Variants in TRAPPC9 observed in about 807,000 individuals in gnomAD.
The protein encoded by TRAPPC9 is trafficking protein particle complex subunit 9.
In TRAPPC9, 83 loss-of-function variants were observed where a neutral mutation model predicts 124.0. The observed-to-expected ratio is 0.67, with a 90% CI of 0.56 to 0.80. TRAPPC9 has a LOEUF of 0.80. TRAPPC9 is among the 30% of genes least tolerant of loss of function. The pLI is 0.00. For synonymous variants in TRAPPC9, 638 were observed against 617.5 expected, an observed-to-expected ratio of 1.03 and a Z score of -0.49; for missense variants, 1,302 against 1,508.3, an observed-to-expected ratio of 0.86 and a Z score of 2.27.
At chr8:139,759,716 G>A (rs1023698449) in intron 21 of TRAPPC9, among the ~76,000 whole-genome samples, 1 of 152,150 alleles carries the variant, frequency 6.6e-6, no homozygotes, top group Non-Finnish European at 1.5e-5. Context: ...GGCTCCCCTG[G>A]GGGGACACAA....
intron 17 of TRAPPC9, among the ~76,000 whole-genome samples, chr8:140,137,700 G>A (rs1294842430): frequency 2.0e-5 from 3 of 152,196 alleles, no homozygotes; most frequent in Non-Finnish European, 4.4e-5. Flanking sequence ...TCTGATTCAC[G>A]CTTCAGTATT....
chr8:139,947,195 G>A (rs1834283479), intron 19 of TRAPPC9, among the ~76,000 whole-genome samples: 1 of 152,096 alleles, frequency 6.6e-6, no homozygotes, highest in East Asian at 1.9e-4. Flanking sequence ...AGGGAACAGA[G>A]GAAATGAACT....
chr8:140,367,788 T>G (rs1316879457), intron 8 of TRAPPC9, among the ~76,000 whole-genome samples: 1 of 152,004 alleles, frequency 6.6e-6, no homozygotes, highest in Non-Finnish European at 1.5e-5. Context: ...ACCACCCTGG[T>G]ATGGGGTGTT....
intron 2 of TRAPPC9, among the ~76,000 whole-genome samples, chr8:140,447,250 C>T (rs946929797): frequency 6.6e-6 from 1 of 152,044 alleles, no homozygotes; most frequent in Non-Finnish European, 1.5e-5. Context: ...AAACACCAAA[C>T]GCCAATGGGT....
chr8:139,949,043 G>A (rs932526762), intron 19 of TRAPPC9, among the ~76,000 whole-genome samples: 11 of 151,782 alleles, frequency 7.2e-5, no homozygotes, highest in African/African-American at 1.9e-4. Context: ...ACTGTACTCC[G>A]GCCTGGGAGA....
chr8:140,264,549 A>G (rs1480313472), intron 15 of TRAPPC9, among the ~76,000 whole-genome samples: 2 of 148,138 alleles, frequency 1.4e-5, no homozygotes, highest in African/African-American at 2.5e-5. Context: ...CAGTTTCTGA[A>G]TCATCCTAGA....
chr8:140,404,851 T>C (rs984794905), intron 6 of TRAPPC9, among the ~76,000 whole-genome samples: 3 of 151,914 alleles, frequency 2.0e-5, no homozygotes, highest in African/African-American at 7.3e-5. Context: ...TGTACGTGCC[T>C]GTGTGCGGGT....
At chr8:140,431,355 G>A (rs963281464) in intron 4 of TRAPPC9, among the ~76,000 whole-genome samples, 1 of 151,972 alleles carries the variant, frequency 6.6e-6, no homozygotes, top group African/African-American at 2.4e-5. Flanking sequence ...TACTCGGGAG[G>A]CTGAGGCAGG....
intron 17 of TRAPPC9, among the ~76,000 whole-genome samples, chr8:140,074,337 C>T (rs1479214407): frequency 1.3e-5 from 2 of 152,168 alleles, no homozygotes; most frequent in Non-Finnish European, 2.9e-5. Context: ...CACAGCCGTG[C>T]TTCACTGTCA....
In TRAPPC9 at chr8:140,241,975, TGGAGGGAGGGGACACTCAAGGGCTTGCA is replaced by T. The variant is rs1157035607; in HGVS notation, c.2431+10774_2431+10801del. 2.0e-5 allele frequency among the ~76,000 whole-genome samples: 3 copies of T among 151,680 alleles called. No homozygotes were observed. Among genetic ancestry groups the T allele is most frequent in the Admixed American group, 6.6e-5 (1 of 15,238 alleles). ...GCTCGAGCTCTGCCACCACAGGACA[TGGAGGGAGGGGACACTCAAGGGCTTGCA>T]GGAGGGAGGGGCCGAGTGGGTTGGC... On this transcript the variant is annotated intron_variant, in intron 16 of 22. Transcript: ENST00000438773. This position sits in a 1 kb window ranked among gnomAD's most constrained non-coding sequence, Gnocchi z 5.0.
chr8:140,428,376 G>A (rs1191193354), intron 4 of TRAPPC9, among the ~76,000 whole-genome samples: 2 of 152,162 alleles, frequency 1.3e-5, no homozygotes, highest in East Asian at 1.9e-4. Flanking sequence ...AGGGTTCAAC[G>A]ATCAGCACAT....
At chr8:140,121,373 C>T (rs947410781) in intron 17 of TRAPPC9, among the ~76,000 whole-genome samples, 11 of 152,142 alleles carry the variant, frequency 7.2e-5, no homozygotes, top group African/African-American at 2.2e-4. Context: ...AAGGAAAAGA[C>T]GATGGAGAAC....
intron 7 of TRAPPC9, among the ~76,000 whole-genome samples, chr8:140,380,206 T>G (rs1452375296): frequency 2.6e-5 from 4 of 152,134 alleles, no homozygotes. Context: ...AAAGCTATAA[T>G]AACCAAGATA....
intron 19 of TRAPPC9, among the ~76,000 whole-genome samples, chr8:139,937,713 C>T (rs1240607162): frequency 6.6e-6 from 1 of 152,196 alleles, no homozygotes; most frequent in African/African-American, 2.4e-5. Flanking sequence ...TGAATGAAAA[C>T]ACTTGGAAGG....
chr8:140,367,483 C>T (rs2068150135), intron 8 of TRAPPC9, among the ~76,000 whole-genome samples: 1 of 152,126 alleles, frequency 6.6e-6, no homozygotes, highest in East Asian at 1.9e-4. Context: ...GAAAAGGCTA[C>T]ATATTGTATG....
intron 18 of TRAPPC9, among the ~76,000 whole-genome samples, chr8:139,991,589 T>G (rs1278879428): frequency 1.4e-5 from 1 of 70,468 alleles, no homozygotes; most frequent in African/African-American, 3.3e-5. Context: ...TTTGGGTTTG[T>G]TTTTTTTTTT....
At chr8:139,745,219 G>A (rs1818811377) in intron 21 of TRAPPC9, among the ~76,000 whole-genome samples, 1 of 152,254 alleles carries the variant, frequency 6.6e-6, no homozygotes, top group African/African-American at 2.4e-5. Context: ...TCGGGTCGAA[G>A]GCTTTATGGC....
chr8:140,265,967 T>G (rs995187527), intron 15 of TRAPPC9, among the ~76,000 whole-genome samples: 9 of 152,222 alleles, frequency 5.9e-5, no homozygotes, highest in African/African-American at 2.2e-4. Context: ...ATGAAGAAAT[T>G]AAGCGGTGTG....
Position 140,125,204 on chromosome 8 carries a change from C to T in TRAPPC9, c.2556+96255G>A, listed in dbSNP as rs1179828836. On this transcript the variant is annotated intron_variant, in intron 17 of 22. Transcript: ENST00000438773. ...CCACCCAGAGCTCGGGGGCGGGACA[C>T]GGCCTCCCTAAGGGCCTCAAAGGTA... Among the ~76,000 whole-genome samples, 3 of 152,298 alleles carry T rather than the reference C, an allele frequency of 2.0e-5. No individual in the cohort carries two copies. The South Asian group carries it at 6.2e-4, about 32-fold the overall frequency.
Sources: allele counts gnomAD v4.1 joint callset (sites outside exome capture counted in the v4.1 genomes callset), GRCh38; gene constraint gnomAD v4.1.1; non-coding constraint Gnocchi (gnomAD v3.1); transcripts MANE v1.5; gene names NCBI Gene and HGNC (gene_info 2026-07-23, HGNC 2026-07-21).